The following NUDT12 variants were observed in gnomAD, a reference collection of about 807,000 sequenced individuals.
NUDT12 encodes the protein NAD-capped RNA hydrolase NUDT12.
In NUDT12, 42 loss-of-function variants were observed where a neutral mutation model predicts 45.7. The observed-to-expected ratio is 0.92, with a 90% CI of 0.72 to 1.19. The LOEUF (loss-of-function observed/expected upper bound fraction) is 1.19, where lower values mean the gene tolerates loss of function less well. NUDT12 is among the 50% of genes most tolerant of loss of function. NUDT12 has a pLI of 0.00. For synonymous variants in NUDT12, 206 were observed against 179.7 expected, an observed-to-expected ratio of 1.15 and a Z score of -1.17; for missense variants, 590 against 533.1, an observed-to-expected ratio of 1.11 and a Z score of -1.05.
intron 3 of NUDT12, among the ~76,000 whole-genome samples, chr5:103,557,280 G>GGTATATATATATATATATATATATGT (rs1491335747): frequency 8.4e-6 from 1 of 118,894 alleles, no homozygotes; most frequent in Non-Finnish European, 1.8e-5. Flanking sequence ...ATCTTAAAAT[G>GGTATATATATATATATATATATATGT]ATATATATAT....
chr5:103,556,186 A>T (rs1748812570), intron 3 of NUDT12, 88 bp from the exon 4 acceptor site: 1 of 890,814 alleles, frequency 1.1e-6, no homozygotes, highest in Non-Finnish European at 1.5e-6. Context: ...CTACAATAAG[A>T]ATAGCTGTGT....
In NUDT12 at chr5:103,558,871, TTTC is replaced by T. The variant is rs781568433; in HGVS notation, c.796+5_796+7del. 25 of 1,540,934 alleles carry T rather than the reference TTTC, an allele frequency of 1.6e-5. No homozygotes were observed. The highest frequency in any genetic ancestry group is 2.2e-5 in the Non-Finnish European group (25 of 1,146,300). On this transcript the variant is annotated splice_donor_5th_base_variant and intron_variant, in intron 3 of 6. Coordinates refer to ENST00000230792, the MANE Select transcript of NUDT12 (RefSeq NM_031438.4). ...TTTTACCAATGAAAAGCAGCATTCA[TTTC>T]TTACCAGCTTCTTTTTCTTTCAATT...
At chr5:103,555,178 C>A (rs1748776021) in intron 4 of NUDT12, among the ~76,000 whole-genome samples, 1 of 151,970 alleles carries the variant, frequency 6.6e-6, no homozygotes, top group South Asian at 2.1e-4. Flanking sequence ...GTAGGTAATA[C>A]ATGGAAATAA....
chr5:103,558,663 G>C (rs944101255), intron 3 of NUDT12, among the ~76,000 whole-genome samples: 1 of 152,074 alleles, frequency 6.6e-6, no homozygotes, highest in African/African-American at 2.4e-5. Flanking sequence ...ATGCACCAGG[G>C]TTAATTCTCA....
chr5:103,552,369 C>T lies in NUDT12; in HGVS notation c.1126G>A (p.Gly376Arg). 1.9e-6 allele frequency: 3 copies of T among 1,613,954 alleles called. No homozygotes were observed. The highest frequency in any genetic ancestry group is 2.5e-6 in the Non-Finnish European group (3 of 1,179,936). ...AVRREVEEESGVKVGHVQYVA... is the reference protein window; with the variant it reads ...AVRREVEEESRVKVGHVQYVA... ...TACTGAACATGGCCAACTTTGACTC[C>T]ACTTTCCTCTTCTACTTCTCTCCTA... The change falls in exon 6 of 7, where the codon GGA (glycine) becomes AGA (arginine). Residue 376 changes from glycine (G) to arginine (R), a missense_variant. Transcript: ENST00000230792.
Position 103,559,229 on chromosome 5 carries a change from A to G in NUDT12, c.446T>C (p.Val149Ala). 6.4e-7 allele frequency: 1 copy of G among 1,569,004 alleles called. No homozygotes were observed. The highest frequency in any genetic ancestry group is 8.6e-7 in the Non-Finnish European group (1 of 1,161,370). The change falls in exon 3 of 7, where the codon GTT (valine) becomes GCT (alanine). Residue 149 changes from valine (V) to alanine (A), a missense_variant. Val to Ala is a moderately conservative substitution (Grantham distance 64). Coordinates refer to ENST00000230792, the MANE Select transcript of NUDT12 (RefSeq NM_031438.4). ...LLAKESHPAT[V>A]FILFSDLNPL... ...ATTTAAATCTGAGAAAAGAATAAAA[A>G]CTGTGGCTGGATGGCTTTCTTTAGC...
At chr5:103,560,496 G>A (rs2112458739) in intron 1 of NUDT12, among the ~76,000 whole-genome samples, 1 of 152,132 alleles carries the variant, frequency 6.6e-6, no homozygotes, top group African/African-American at 2.4e-5. Flanking sequence ...AGCTCTGACA[G>A]TACAGACGAG....
At chr5:103,555,789 G>A (rs443022) in intron 4 of NUDT12, 142 bp downstream of exon 4, 371,396 of 485,250 alleles carry the variant, frequency 0.77, 144,506 homozygotes, top group African/African-American at 0.82. Context: ...TCATGAAAGT[G>A]TGTAACACTT....
In NUDT12 at chr5:103,554,794, G is replaced by A; in HGVS notation, c.1024C>T (p.Gln342Ter). 6.4e-7 allele frequency: 1 copy of A among 1,561,298 alleles called. No homozygotes were observed. The highest frequency in any genetic ancestry group is 8.7e-7 in the Non-Finnish European group (1 of 1,149,500). The change falls in exon 5 of 7, where the codon CAG becomes TAG. Residue 342 changes from glutamine (Q) to a stop codon, truncating the protein, a stop_gained. Transcript: ENST00000230792. LOFTEE classifies it high-confidence loss of function. ...AACATGCCTGGGGGAAATCTTTTCT[G>A]CCTGCCTAAAAGGCATTTGGTCCCA... is the stretch of plus-strand genomic sequence containing the variant. ...PDGTKCLLGR[Q>*]KRFPPGMFTC... is the part of the protein sequence containing the mutation.
At chr5:103,556,901 T>C (rs1486741146) in intron 3 of NUDT12, among the ~76,000 whole-genome samples, 1 of 151,974 alleles carries the variant, frequency 6.6e-6, no homozygotes, top group Non-Finnish European at 1.5e-5. Context: ...TCGTTTAAAC[T>C]GGGAAAAATA....
chr5:103,554,981 A>T (rs929747303), intron 4 of NUDT12, 128 bp from the exon 5 acceptor site: 1 of 411,018 alleles, frequency 2.4e-6, no homozygotes, highest in African/African-American at 2.1e-5. Flanking sequence ...GTCTGGTTGT[A>T]AGAGATTGCT....
chr5:103,556,188 T>C, intron 3 of NUDT12, 90 bp from the exon 4 acceptor site: 2 of 864,760 alleles, frequency 2.3e-6, no homozygotes, highest in Non-Finnish European at 3.2e-6. Context: ...ACAATAAGAA[T>C]AGCTGTGTGA....
At chr5:103,562,605 G>C (rs1435695548) in intron 1 of NUDT12, 98 bp downstream of exon 1, 1 of 152,272 alleles carries the variant, frequency 6.6e-6, no homozygotes. Flanking sequence ...ACTCAGCAGG[G>C]CCACGCAGGG....
chr5:103,558,817 A>T, intron 3 of NUDT12, 62 bp downstream of exon 3: 1 of 1,166,586 alleles, frequency 8.6e-7, no homozygotes, highest in Non-Finnish European at 1.2e-6. Context: ...GCAAATACAT[A>T]CAACTCCAAC....
chr5:103,551,778 T>C (rs758801853), intron 6 of NUDT12, among the ~76,000 whole-genome samples: 1 of 152,220 alleles, frequency 6.6e-6, no homozygotes, highest in Non-Finnish European at 1.5e-5. Context: ...ATGTCATTCT[T>C]GTCCTTAAGT....
intron 2 of NUDT12, 190 bp downstream of exon 2, chr5:103,559,853 A>G: frequency 1.8e-6 from 1 of 564,976 alleles, no homozygotes; most frequent in Non-Finnish European, 3.1e-6. Flanking sequence ...ATAAAGAAAT[A>G]ATTTCTCAAT....
Position 103,552,337 on chromosome 5 carries a change from A to G in NUDT12, c.1158T>C (p.Ala386=), listed in dbSNP as rs1318527518. 8.7e-6 allele frequency: 14 copies of G among 1,613,820 alleles called. No homozygotes were observed. The highest frequency in any genetic ancestry group is 1.1e-5 in the Non-Finnish European group (13 of 1,179,888). The change falls in exon 6 of 7, where the codon GCT becomes GCC. Residue 386 remains alanine (A), a synonymous_variant. Coordinates refer to ENST00000230792, the MANE Select transcript of NUDT12 (RefSeq NM_031438.4). ...AGGAAGGCATTGGCCATGGTTGACA[A>G]GCAACATACTGAACATGGCCAACTT... ...GVKVGHVQYV[A]CQPWPMPSSL... is the part of the protein sequence containing the mutation.
intron 1 of NUDT12, among the ~76,000 whole-genome samples, chr5:103,562,068 T>C (rs568511628): frequency 6.6e-6 from 1 of 152,312 alleles, no homozygotes; most frequent in South Asian, 2.1e-4. Flanking sequence ...AGGTAAAGAT[T>C]TGAAGGCAGA....
chr5:103,559,427 A>G lies in NUDT12; in HGVS notation c.248T>C (p.Leu83Pro). ...SIVNKSRQTALDIAVFWGYKH... is the reference protein window; with the variant it reads ...SIVNKSRQTAPDIAVFWGYKH... ...ATAACCCCAAAATACAGCAATGTCCAGTGCAGTCTGCCTTGATTTATTGAC... is the reference window on the plus strand; with the variant it reads ...ATAACCCCAAAATACAGCAATGTCCGGTGCAGTCTGCCTTGATTTATTGAC... Residue 83 changes from leucine (L) to proline (P), a missense_variant, in exon 3 of 7, where the codon CTG (leucine) becomes CCG (proline). Coordinates refer to ENST00000230792, the MANE Select transcript of NUDT12 (RefSeq NM_031438.4). 1 of 1,584,800 alleles carries G rather than the reference A, an allele frequency of 6.3e-7. No individual in the cohort carries two copies. The highest frequency in any genetic ancestry group is 8.6e-7 in the Non-Finnish European group (1 of 1,168,122).
Sources: gnomAD v4.1 joint callset for allele counts (sites outside exome capture counted in the v4.1 genomes callset) on GRCh38, gnomAD v4.1.1 for gene constraint, MANE v1.5 for transcripts, NCBI Gene and HGNC (gene_info 2026-07-23, HGNC 2026-07-21) for gene names.